Variants in OTOG observed in about 807,000 individuals in gnomAD.
OTOG encodes otogelin.
A neutral mutation model predicts 313.8 loss-of-function variants in OTOG; 296 were observed. That is an observed-to-expected ratio of 0.94 (90% CI 0.86 to 1.04). The LOEUF (loss-of-function observed/expected upper bound fraction) is 1.04. Ranked by LOEUF, OTOG falls within the 50% of genes least tolerant of loss-of-function variation. The pLI, the probability that OTOG is intolerant of heterozygous loss-of-function variation, is 0.00. For missense variants in OTOG, 3,948 were observed against 3,840.1 expected, an observed-to-expected ratio of 1.03 and a Z score of -0.74; for synonymous variants, 1,533 against 1,554.9, an observed-to-expected ratio of 0.99 and a Z score of 0.33.
chr11:17,573,986 G>T (rs1852461445), intron 19 of OTOG, among the ~76,000 whole-genome samples: 1 of 152,192 alleles, frequency 6.6e-6, no homozygotes, highest in South Asian at 2.1e-4. Flanking sequence ...GTTACCATAG[G>T]AGCTTTCAAA....
At chr11:17,556,535 G>A (rs956684472) in intron 7 of OTOG, among the ~76,000 whole-genome samples, 27 of 152,164 alleles carry the variant, frequency 1.8e-4, no homozygotes, top group Non-Finnish European at 4.4e-5. Context: ...TGGAAACTGG[G>A]TGACCAAGCA....
intron 22 of OTOG, among the ~76,000 whole-genome samples, chr11:17,577,151 CTT>C (rs1267146777): frequency 2.6e-5 from 4 of 152,198 alleles, no homozygotes; most frequent in African/African-American, 9.7e-5. Context: ...GAGGCTGAGA[CTT>C]TGTCTTCCTT....
intron 7 of OTOG, among the ~76,000 whole-genome samples, 186 bp downstream of exon 7, chr11:17,556,083 A>ATT: frequency 6.6e-6 from 1 of 150,836 alleles, no homozygotes; most frequent in African/African-American, 2.4e-5. Context: ...TTGCAGAATG[A>ATT]TTTTTTTTTT....
chr11:17,565,029 T>TA (rs1217787305), intron 15 of OTOG, among the ~76,000 whole-genome samples: 1 of 152,252 alleles, frequency 6.6e-6, no homozygotes, highest in East Asian at 1.9e-4. Context: ...CTGTCTATCT[T>TA]ACGCCCAGTT....
intron 24 of OTOG, among the ~76,000 whole-genome samples, chr11:17,587,303 C>T (rs11822887): frequency 0.041 from 6,280 of 152,222 alleles, 390 homozygotes; most frequent in African/African-American, 0.12. Flanking sequence ...TTCTGGGCCA[C>T]ACAGAGGTGG....
intron 42 of OTOG, 109 bp downstream of exon 42, chr11:17,632,335 A>G (rs887540694): frequency 2.9e-5 from 33 of 1,140,852 alleles, no homozygotes; most frequent in Non-Finnish European, 3.5e-5. Flanking sequence ...CCCAGCTTTA[A>G]TCATTCATGG....
chr11:17,585,865 G>C (rs1225845213), intron 23 of OTOG, among the ~76,000 whole-genome samples: 1 of 152,216 alleles, frequency 6.6e-6, no homozygotes, highest in Non-Finnish European at 1.5e-5. Context: ...GGAAGGTTAA[G>C]TAACTTGTTT....
chr11:17,612,268 G>A lies in OTOG; in HGVS notation c.6230G>A (p.Gly2077Glu). The change falls in exon 37 of 56, where the codon GGG becomes GAG. Residue 2077 changes from glycine (G) to glutamate (E), a missense_variant. Physicochemically the swap from Gly to Glu is moderately conservative, Grantham distance 98 (BLOSUM62 -2). Coordinates refer to ENST00000399397, the MANE Select transcript of OTOG (RefSeq NM_001292063.2). ...CPQGAAPPRC[G>E]ILGLAVRVGG... Reference sequence around the variant, plus strand: ...CAGGGTGCTGCTCCCCCTCGCTGTGGGATCCTGGGCCTCGCCGTGCGGGTG... The same window carrying A: ...CAGGGTGCTGCTCCCCCTCGCTGTGAGATCCTGGGCCTCGCCGTGCGGGTG... 1.9e-6 allele frequency: 3 copies of A among 1,545,736 alleles called. No homozygotes were observed. Among genetic ancestry groups the A allele is most frequent in the Non-Finnish European group, 1.7e-6 (2 of 1,146,922 alleles).
At chr11:17,597,614 A>G (rs1347159298) in intron 30 of OTOG, among the ~76,000 whole-genome samples, 3 of 152,244 alleles carry the variant, frequency 2.0e-5, no homozygotes, top group Non-Finnish European at 4.4e-5. Flanking sequence ...ACATATGCGT[A>G]CATAGATATG....
chr11:17,638,434 C>A lies in OTOG; in HGVS notation c.7796-17C>A, dbSNP rs1306064575. 3 of 1,536,154 alleles carry A rather than the reference C, an allele frequency of 2.0e-6. No individual in the cohort carries two copies. The highest frequency in any genetic ancestry group is 2.4e-5 in the South Asian group (2 of 82,446). ...GTGCCTGTGACTGACGTGTCAACTG[C>A]CTCTCCTTCCCCACAGTGTGTGAGA... On this transcript the variant is annotated splice_polypyrimidine_tract_variant and intron_variant, in intron 47 of 55. Transcript: ENST00000399397.
intron 38 of OTOG, among the ~76,000 whole-genome samples, chr11:17,613,167 CCCTT>C (rs1565118706): frequency 3.0e-5 from 4 of 135,432 alleles, no homozygotes; most frequent in Admixed American, 7.1e-5. Context: ...CTTCTCTTCT[CCCTT>C]TTCTTTCTTT....
At chr11:17,560,617 T>C (rs997217698) in intron 12 of OTOG, 92 bp from the exon 13 acceptor site, 2 of 882,898 alleles carry the variant, frequency 2.3e-6, no homozygotes, top group South Asian at 1.5e-5. Flanking sequence ...AGAAGTTAGA[T>C]AAGGGGATCT....
intron 28 of OTOG, among the ~76,000 whole-genome samples, chr11:17,595,334 C>T (rs7118953): frequency 0.18 from 27,628 of 152,192 alleles, 2,654 homozygotes; most frequent in South Asian, 0.28. Flanking sequence ...CATGGGGTTC[C>T]CCAGTGAAAA....
intron 42 of OTOG, 77 bp downstream of exon 42, chr11:17,632,303 G>C: frequency 6.9e-7 from 1 of 1,445,448 alleles, no homozygotes; most frequent in African/African-American, 1.4e-5. Context: ...AAGGCTCCCG[G>C]CCCCAAGTTC....
intron 15 of OTOG, among the ~76,000 whole-genome samples, chr11:17,568,399 C>T (rs1057373021): frequency 6.6e-6 from 1 of 152,204 alleles, no homozygotes; most frequent in African/African-American, 2.4e-5. Context: ...CCTACCTCTG[C>T]AGACTAAGTC....
intron 52 of OTOG, 80 bp from the exon 53 acceptor site, chr11:17,642,047 A>C: frequency 6.6e-7 from 1 of 1,520,332 alleles, no homozygotes; most frequent in Non-Finnish European, 8.9e-7. Context: ...GCTGGGTACA[A>C]ACAGGCTCCC....
At chr11:17,626,376 A>G (rs1254402003) in intron 39 of OTOG, among the ~76,000 whole-genome samples, 4 of 152,110 alleles carry the variant, frequency 2.6e-5, no homozygotes, top group African/African-American at 9.7e-5. Context: ...GGGTTTCACC[A>G]TGTTGGCCAG....
At chr11:17,571,700 G>A (rs981245344) in intron 17 of OTOG, among the ~76,000 whole-genome samples, 4 of 152,160 alleles carry the variant, frequency 2.6e-5, no homozygotes, top group Non-Finnish European at 5.9e-5. Flanking sequence ...CCCGCCCCAA[G>A]TGGACAATCC....
chr11:17,639,565 A>G, intron 49 of OTOG, 102 bp downstream of exon 49: 1 of 1,266,024 alleles, frequency 7.9e-7, no homozygotes, highest in Non-Finnish European at 1.1e-6. Flanking sequence ...TAGTGCAAGG[A>G]ACCCGGGGTT....
Sources: allele counts gnomAD v4.1 joint callset (sites outside exome capture counted in the v4.1 genomes callset), GRCh38; gene constraint gnomAD v4.1.1; transcripts MANE v1.5; gene names NCBI Gene and HGNC (gene_info 2026-07-23, HGNC 2026-07-21).